Variants in MOV10L1 observed in about 807,000 individuals in gnomAD.
MOV10L1 encodes the protein RNA helicase Mov10l1.
MOV10L1 carries 110 observed loss-of-function variants against 143.8 expected under a neutral mutation model. The ratio of observed to expected loss-of-function variants is 0.76; its 90% confidence interval spans 0.66 to 0.90. MOV10L1 has a LOEUF of 0.90. Among genes scored for constraint, MOV10L1 ranks in the 40% least tolerant of loss-of-function variants. MOV10L1 has a pLI of 0.00. For synonymous variants in MOV10L1, 593 were observed against 581.1 expected, an observed-to-expected ratio of 1.02 and a Z score of -0.29; for missense variants, 1,406 against 1,526.8, an observed-to-expected ratio of 0.92 and a Z score of 1.32.
intron 18 of MOV10L1, among the ~76,000 whole-genome samples, chr22:50,145,021 C>T (rs1000749807): frequency 6.6e-5 from 10 of 152,116 alleles, no homozygotes; most frequent in Non-Finnish European, 1.3e-4. Flanking sequence ...TGGCTAACTG[C>T]AACCTCCGCC....
chr22:50,116,578 C>A (rs186021507), intron 8 of MOV10L1, among the ~76,000 whole-genome samples: 226 of 150,454 alleles, frequency 1.5e-3, no homozygotes, highest in African/African-American at 5.3e-3. Context: ...TCATAAAATT[C>A]TGACTTAAAA....
At chr22:50,144,568 G>A (rs2063084283) in intron 18 of MOV10L1, among the ~76,000 whole-genome samples, 1 of 150,408 alleles carries the variant, frequency 6.6e-6, no homozygotes, top group Non-Finnish European at 1.5e-5. Flanking sequence ...TGTTGGTTTG[G>A]TGTTTTTTGT....
At chr22:50,155,894 T>C (rs1054661625) in intron 22 of MOV10L1, among the ~76,000 whole-genome samples, 1 of 152,068 alleles carries the variant, frequency 6.6e-6, no homozygotes, top group Non-Finnish European at 1.5e-5. Context: ...CTACAAAAAA[T>C]ACAAAAATTA....
At chr22:50,090,790 C>T (rs2062414697) in intron 1 of MOV10L1, 2 of 397,802 alleles carry the variant, frequency 5.0e-6, no homozygotes, top group South Asian at 5.2e-5. Flanking sequence ...GATTCTCCTG[C>T]CTCAGCCTCC....
rs546645257 is a variant in MOV10L1, at chr22:50,095,294, T to C, written c.282+3109T>C. ...AGTTGAGTCACTTAAACAATATGCT[T>C]GTATCTTTTATTAATTCACCAATGT... On this transcript the variant is annotated intron_variant, in intron 2 of 26. Coordinates refer to ENST00000262794, the MANE Select transcript of MOV10L1 (RefSeq NM_018995.3). The C allele has an allele frequency of 2.0e-5, 3 of 152,360 alleles. No individual in the cohort carries two copies. In the East Asian group the frequency reaches 5.8e-4, roughly 29 times the overall value. 9.4% of individuals were successfully genotyped at this position (152,360 alleles called of 1,614,324 possible).
At position 50,137,650 on chromosome 22, in the gene MOV10L1, A is replaced by G. The variant is rs2062855895; in HGVS notation, c.2070+3020A>G. Reference sequence around the variant, plus strand: ...AAACCAGGAGGTGGAGATTGCAGTGAGCCAAGATCATGCCACTGCGCTCCA... The same window carrying G: ...AAACCAGGAGGTGGAGATTGCAGTGGGCCAAGATCATGCCACTGCGCTCCA... On this transcript the variant is annotated intron_variant, in intron 15 of 26. Transcript: ENST00000262794. Among the ~76,000 whole-genome samples the G allele has an allele frequency of 2.0e-5, 3 of 151,824 alleles. No individual in the cohort carries two copies. The South Asian group carries it at 6.2e-4, about 31-fold the overall frequency.
At chr22:50,128,115 A>G (rs189463284) in intron 12 of MOV10L1, among the ~76,000 whole-genome samples, 1 of 151,990 alleles carries the variant, frequency 6.6e-6, no homozygotes, top group Non-Finnish European at 1.5e-5. Flanking sequence ...ACACTTGGCT[A>G]CCCTTGTGGT....
In MOV10L1 at chr22:50,145,724, C is replaced by G. The variant is rs202216740; in HGVS notation, c.2541C>G (p.Asp847Glu). 2.5e-6 allele frequency: 4 copies of G among 1,614,028 alleles called. No homozygotes were observed. In the African/African-American group the frequency reaches 4.0e-5, roughly 16 times the overall value. The change falls in exon 19 of 27, where the codon GAC becomes GAG. Residue 847 changes from aspartate (D) to glutamate (E), a missense_variant. Asp to Glu is a conservative substitution (Grantham distance 45, BLOSUM62 2). This residue lies in a region of MOV10L1 where 1,233 missense variants were observed against 1,351.4 expected (regional missense o/e 0.91). Transcript: ENST00000262794. ...ACGCCGTCAAACCGTATTGCAGAGA[C>G]GGAGAAGACATCTGGAAAGCCTCAC... The part of the protein sequence containing the change: ...VIDAVKPYCR[D>E]GEDIWKASRF...
At chr22:50,143,959 C>T in intron 17 of MOV10L1, 138 bp from the exon 18 acceptor site, 1 of 1,123,832 alleles carries the variant, frequency 8.9e-7, no homozygotes. Flanking sequence ...TGGCCCAGGT[C>T]TCAGTGTGTT....
At chr22:50,100,127 G>A (rs928062933) in intron 3 of MOV10L1, among the ~76,000 whole-genome samples, 2 of 152,008 alleles carry the variant, frequency 1.3e-5, no homozygotes, top group African/African-American at 4.8e-5. Context: ...GAGTAGCTGG[G>A]ATTACAGGTG....
Position 50,090,154 on chromosome 22 carries a change from A to C in MOV10L1, c.66A>C (p.Glu22Asp). ...FWRTADTPREEAGQLEPELAE... is the reference protein window; with the variant it reads ...FWRTADTPREDAGQLEPELAE... ...GGACGGCGGACACCCCTAGGGAGGA[A>C]GCCGGGCAGCTGGAGCCCGAGCTCG... Residue 22 changes from glutamate to aspartate, a missense_variant, in exon 1 of 27, where the codon GAA (glutamate) becomes GAC (aspartate). Physicochemically the swap from Glu to Asp is conservative, Grantham distance 45. This residue lies in a region of MOV10L1 where 166 missense variants were observed against 153.9 expected (regional missense o/e 1.08). Transcript: ENST00000262794. 2 of 1,421,670 alleles carry C rather than the reference A, an allele frequency of 1.4e-6. No individual in the cohort carries two copies. Among genetic ancestry groups the C allele is most frequent in the Non-Finnish European group, 1.8e-6 (2 of 1,089,764 alleles). The allele number at this position is 1,421,670 out of a possible 1,614,324, so 88.1% of individuals were successfully genotyped here. A position where few individuals can be genotyped will look rare whatever the true frequency, so the allele number is the denominator to read the frequency against.
rs1184318624 is a variant in MOV10L1 at position 50,152,028 on chromosome 22, G to GT, written c.2893-1014dup. The stretch of plus-strand genomic sequence containing the variant: ...GCCGTGACTCTAGATCACATTTGGA[G>GT]TTTGGAGTAGCACGTTGGAGGCTGG... On this transcript the variant is annotated intron_variant, in intron 21 of 26. Coordinates refer to ENST00000262794, the MANE Select transcript of MOV10L1 (RefSeq NM_018995.3). This position sits in a 1 kb window ranked among gnomAD's most constrained non-coding sequence, Gnocchi z 4.4. Among the ~76,000 whole-genome samples, 1 of 152,268 alleles carries GT rather than the reference G, an allele frequency of 6.6e-6. No homozygotes were observed. Among genetic ancestry groups the GT allele is most frequent in the Non-Finnish European group, 1.5e-5 (1 of 68,050 alleles).
chr22:50,114,580 A>G lies in MOV10L1; in HGVS notation c.1084A>G (p.Met362Val). ...CCACACAAAAAACAAAACCTCTCAG[A>G]TGTCGGAGAGCAGTTTGGTGAACAA... ...NSHTKNKTSQ[M>V]SESSLVNNRG... Residue 362 changes from methionine (M) to valine (V), a missense_variant, in exon 7 of 27, where the codon ATG becomes GTG. By Grantham distance (21) the Met-to-Val change is conservative. This residue lies in a region of MOV10L1 where 1,233 missense variants were observed against 1,351.4 expected (regional missense o/e 0.91). Coordinates refer to ENST00000262794, the MANE Select transcript of MOV10L1 (RefSeq NM_018995.3). 6.2e-7 allele frequency: 1 copy of G among 1,614,194 alleles called. No homozygotes were observed. The highest frequency in any genetic ancestry group is 8.5e-7 in the Non-Finnish European group (1 of 1,180,032).
intron 4 of MOV10L1, 27 bp downstream of exon 4, chr22:50,108,275 C>T (rs772716557): frequency 1.3e-6 from 2 of 1,584,224 alleles, no homozygotes; most frequent in South Asian, 1.1e-5. Context: ...TGGCTCCTCT[C>T]TGTGCTTCTG....
intron 7 of MOV10L1, among the ~76,000 whole-genome samples, chr22:50,114,855 T>C (rs1007049285): frequency 3.3e-5 from 5 of 152,188 alleles, no homozygotes; most frequent in Admixed American, 2.0e-4. Flanking sequence ...GGCTCCTGAG[T>C]ACCTCGAAGC....
At chr22:50,133,782 G>A (rs959180403) in intron 13 of MOV10L1, among the ~76,000 whole-genome samples, 11 of 152,100 alleles carry the variant, frequency 7.2e-5, no homozygotes, top group African/African-American at 2.7e-4. Flanking sequence ...GACCTCAGGT[G>A]ATCCACCCAC....
At chr22:50,110,237 C>T (rs765443598) in intron 5 of MOV10L1, among the ~76,000 whole-genome samples, 4 of 151,910 alleles carry the variant, frequency 2.6e-5, no homozygotes, top group Non-Finnish European at 5.9e-5. Context: ...ATCACAAGGT[C>T]GGGAGATTGA....
chr22:50,151,044 C>A, intron 21 of MOV10L1, 145 bp downstream of exon 21: 1 of 998,846 alleles, frequency 1.0e-6, no homozygotes, highest in Non-Finnish European at 1.5e-6. Flanking sequence ...GCACCTCCCC[C>A]GTCAGCAGAA....
intron 3 of MOV10L1, among the ~76,000 whole-genome samples, chr22:50,107,592 A>G (rs769221239): frequency 2.0e-5 from 3 of 152,146 alleles, no homozygotes; most frequent in Non-Finnish European, 4.4e-5. Flanking sequence ...CTGTTCTGTC[A>G]GCACCACTCA....
Sources: allele counts gnomAD v4.1 joint callset (sites outside exome capture counted in the v4.1 genomes callset), GRCh38; gene constraint gnomAD v4.1.1; regional missense constraint gnomAD v4.1.1; non-coding constraint Gnocchi (gnomAD v3.1); transcripts MANE v1.5; gene names NCBI Gene and HGNC (gene_info 2026-07-23, HGNC 2026-07-21).